The following OPCML variants were observed in gnomAD, a reference collection of about 807,000 sequenced individuals.
OPCML encodes the protein opioid binding protein/cell adhesion molecule like, also known as opioid-binding protein/cell adhesion molecule.
Under a neutral mutation model 37.8 loss-of-function variants are expected in OPCML, and 13 were observed. The ratio of observed to expected loss-of-function variants is 0.34; its 90% CI spans 0.22 to 0.55. The LOEUF (loss-of-function observed/expected upper bound fraction) is 0.55, where lower values mean the gene tolerates loss of function less well. OPCML is among the 20% of genes least tolerant of loss of function. OPCML has a pLI of 0.91. For synonymous variants in OPCML, 176 were observed against 168.8 expected, an observed-to-expected ratio of 1.04 and a Z score of -0.33; for missense variants, 341 against 435.6, an observed-to-expected ratio of 0.78 and a Z score of 1.93.
chr11:133,421,725 C>T (rs968724836), intron 1 of OPCML: 2 of 985,390 alleles, frequency 2.0e-6, no homozygotes, highest in Non-Finnish European at 2.4e-6. Context: ...CCAAGATAAA[C>T]ATCCTAGCAA....
At chr11:132,917,137 C>T (rs887752579) in intron 2 of OPCML, among the ~76,000 whole-genome samples, 1 of 152,148 alleles carries the variant, frequency 6.6e-6, no homozygotes, top group Non-Finnish European at 1.5e-5. Context: ...GTTAATTAGA[C>T]AAATACCGTA....
intron 2 of OPCML, among the ~76,000 whole-genome samples, chr11:132,808,565 C>T (rs1024266031): frequency 6.6e-6 from 1 of 152,154 alleles, no homozygotes; most frequent in African/African-American, 2.4e-5. Flanking sequence ...ATTTGATGAT[C>T]ATTGGGTATA....
intron 1 of OPCML, among the ~76,000 whole-genome samples, chr11:133,310,117 G>A (rs947215968): frequency 1.3e-5 from 2 of 152,218 alleles, no homozygotes; most frequent in Non-Finnish European, 2.9e-5. Flanking sequence ...GAAGAGAAAG[G>A]AGTCTGGAGG....
chr11:132,977,401 A>T (rs918932807), intron 1 of OPCML, among the ~76,000 whole-genome samples: 5 of 152,302 alleles, frequency 3.3e-5, no homozygotes, highest in African/African-American at 9.6e-5. Flanking sequence ...ATATCCCAAA[A>T]TACCCAGAAT....
At chr11:132,702,314 T>C (rs1314450847) in intron 2 of OPCML, among the ~76,000 whole-genome samples, 2 of 152,126 alleles carry the variant, frequency 1.3e-5, no homozygotes, top group African/African-American at 4.8e-5. Context: ...TGAAAGACAA[T>C]TTTTCTGGTA....
At chr11:132,745,465 CATTAGCTTT>C (rs144862318) in intron 2 of OPCML, among the ~76,000 whole-genome samples, 16,068 of 151,104 alleles carry the variant, frequency 0.11, 1,032 homozygotes, top group African/African-American at 0.17. Flanking sequence ...TGAAAAATTG[CATTAGCTTT>C]ATCCAGCATC....
At position 133,130,127 on chromosome 11, in the gene OPCML, C is replaced by A. The variant is rs377326200; in HGVS notation, c.62-187117G>T. 4.0e-5 allele frequency among the ~76,000 whole-genome samples: 6 copies of A among 151,832 alleles called. No homozygotes were observed. The East Asian group carries it at 1.2e-3, about 29-fold the overall frequency. ...TGAGCAAACAATCATCTAAGCCATA[C>A]TTCCAGAAATAAAAAGCTACAATGT... On this transcript the variant is annotated intron_variant, in intron 1 of 7. Coordinates refer to ENST00000524381, the MANE Select transcript of OPCML (RefSeq NM_001012393.5).
chr11:132,681,577 C>G (rs1942943932), intron 2 of OPCML, among the ~76,000 whole-genome samples: 1 of 152,128 alleles, frequency 6.6e-6, no homozygotes, highest in East Asian at 1.9e-4. Flanking sequence ...CAATAAAATC[C>G]TCCGCTTTCA....
At chr11:132,641,202 G>A (rs1415607643) in intron 3 of OPCML, among the ~76,000 whole-genome samples, 4 of 152,122 alleles carry the variant, frequency 2.6e-5, no homozygotes, top group African/African-American at 9.7e-5. Context: ...ACGGTAAAGT[G>A]GCTTTGTATT....
intron 2 of OPCML, among the ~76,000 whole-genome samples, chr11:132,786,576 A>G (rs1250181685): frequency 6.6e-6 from 1 of 152,150 alleles, no homozygotes; most frequent in East Asian, 1.9e-4. Context: ...TCTTAGGAAT[A>G]TTAATATTTT....
chr11:132,809,867 T>C (rs1448599860), intron 2 of OPCML, among the ~76,000 whole-genome samples: 4 of 152,074 alleles, frequency 2.6e-5, no homozygotes. Flanking sequence ...ATTTTTATTT[T>C]TGAGACGGTA....
chr11:133,265,945 C>A (rs1034416189), intron 1 of OPCML, among the ~76,000 whole-genome samples: 2 of 152,118 alleles, frequency 1.3e-5, no homozygotes, highest in African/African-American at 4.8e-5. Context: ...GTCCCAACAA[C>A]TTCACTGTGA....
chr11:132,551,071 G>A (rs984048647), intron 3 of OPCML, among the ~76,000 whole-genome samples: 3 of 152,108 alleles, frequency 2.0e-5, no homozygotes, highest in Non-Finnish European at 4.4e-5. Context: ...CCAGAGAGAT[G>A]GGCCCTTTCT....
chr11:132,484,008 C>T (rs1446971158), intron 4 of OPCML, among the ~76,000 whole-genome samples: 1 of 152,068 alleles, frequency 6.6e-6, no homozygotes, highest in Admixed American at 6.6e-5. Context: ...TAGGCATGGG[C>T]AAGGACTTCA....
chr11:132,662,129 G>C (rs2135788383), intron 2 of OPCML, among the ~76,000 whole-genome samples: 1 of 151,966 alleles, frequency 6.6e-6, no homozygotes, highest in East Asian at 2.0e-4. Context: ...CCTTAAAGCA[G>C]TGGTTTTCAA....
At chr11:132,427,380 T>C (rs2095981172) in intron 7 of OPCML, among the ~76,000 whole-genome samples, 1 of 152,236 alleles carries the variant, frequency 6.6e-6, no homozygotes, top group Non-Finnish European at 1.5e-5. Flanking sequence ...TGTGTTACAC[T>C]TGTTGGTGAA....
chr11:132,742,402 T>G (rs989966413), intron 2 of OPCML, among the ~76,000 whole-genome samples: 1 of 151,960 alleles, frequency 6.6e-6, no homozygotes, highest in Non-Finnish European at 1.5e-5. Context: ...GGCTGAGAGG[T>G]CCCACCCTCA....
intron 3 of OPCML, among the ~76,000 whole-genome samples, chr11:132,580,132 GCT>G (rs1262825595): frequency 6.6e-6 from 1 of 152,128 alleles, no homozygotes; most frequent in African/African-American, 2.4e-5. Context: ...GACAACGCAG[GCT>G]CTGTCTTTCT....
chr11:133,507,162 G>T (rs1448104964), intron 1 of OPCML, among the ~76,000 whole-genome samples: 4 of 152,196 alleles, frequency 2.6e-5, no homozygotes. Context: ...AGGACCAAGA[G>T]ACCCTGTGGA....
Sources: gnomAD v4.1 joint callset for allele counts (sites outside exome capture counted in the v4.1 genomes callset) on GRCh38, gnomAD v4.1.1 for gene constraint, MANE v1.5 for transcripts, NCBI Gene and HGNC (gene_info 2026-07-23, HGNC 2026-07-21) for gene names.